Variants in SPIDR observed in about 807,000 individuals in gnomAD.
The protein encoded by SPIDR is scaffold protein involved in DNA repair.
A neutral mutation model predicts 104.6 loss-of-function variants in SPIDR; 93 were observed. The observed-to-expected ratio is 0.89, with a 90% CI of 0.75 to 1.06. The LOEUF (loss-of-function observed/expected upper bound fraction) is 1.06, where lower values mean the gene tolerates loss of function less well. Among genes scored for constraint, SPIDR ranks in the 50% least tolerant of loss-of-function variants. SPIDR has a pLI of 0.00. For missense variants in SPIDR, 1,154 were observed against 1,111.2 expected (o/e 1.04, Z -0.55); for synonymous variants, 431 against 416.9 (o/e 1.03, Z -0.41).
At chr8:47,704,541 C>T (rs2080802532) in intron 14 of SPIDR, among the ~76,000 whole-genome samples, 1 of 152,204 alleles carries the variant, frequency 6.6e-6, no homozygotes, top group African/African-American at 2.4e-5. Context: ...AACACACCCC[C>T]ACCCCCAACC....
At position 47,620,095 on chromosome 8, in the gene SPIDR, G is replaced by A. The variant is rs141875200; in HGVS notation, c.1544+20899G>A. On this transcript the variant is annotated intron_variant, in intron 10 of 19. Transcript: ENST00000297423. ...ATAGAATGCAAGCTATTAATAGAAA[G>A]CGTACTAGCAGGATACAGATCAGAG... Among the ~76,000 whole-genome samples the A allele has an allele frequency of 2.8e-3, 421 of 152,242 alleles. 1 individual carries two copies. Among genetic ancestry groups the A allele is most frequent in the African/African-American group, 9.9e-3 (411 of 41,544 alleles).
intron 5 of SPIDR, among the ~76,000 whole-genome samples, chr8:47,317,671 G>A (rs1313779702): frequency 1.3e-5 from 2 of 152,034 alleles, no homozygotes; most frequent in South Asian, 2.1e-4. Flanking sequence ...TGACCCCCCC[G>A]AGTAGCTTAA....
At chr8:47,467,886 G>A (rs1268196517) in intron 8 of SPIDR, among the ~76,000 whole-genome samples, 2 of 152,064 alleles carry the variant, frequency 1.3e-5, no homozygotes, top group Non-Finnish European at 2.9e-5. Context: ...TAAATAAAAG[G>A]CATCTAAATA....
chr8:47,475,293 G>T (rs988868021), intron 8 of SPIDR, among the ~76,000 whole-genome samples: 2 of 152,202 alleles, frequency 1.3e-5, no homozygotes, highest in African/African-American at 4.8e-5. Context: ...TTCTCCCAGG[G>T]CATGCCCTGC....
chr8:47,584,380 T>C (rs2060053321), intron 8 of SPIDR, among the ~76,000 whole-genome samples: 1 of 152,218 alleles, frequency 6.6e-6, no homozygotes, highest in Non-Finnish European at 1.5e-5. Context: ...TTCAATAACA[T>C]TTCTGCAGAA....
chr8:47,448,600 G>A (rs571770055), intron 8 of SPIDR, among the ~76,000 whole-genome samples: 3 of 152,228 alleles, frequency 2.0e-5, no homozygotes, highest in African/African-American at 7.2e-5. Flanking sequence ...GATTGAGGAG[G>A]TAAGCACAGC....
chr8:47,317,895 TAGAAGGAAAA>T (rs2045721595), intron 5 of SPIDR, among the ~76,000 whole-genome samples: 1 of 152,200 alleles, frequency 6.6e-6, no homozygotes, highest in South Asian at 2.1e-4. Flanking sequence ...TCCTGACTGT[TAGAAGGAAAA>T]CTAACAGAAA....
chr8:47,419,818 G>A (rs1296498300), intron 7 of SPIDR, among the ~76,000 whole-genome samples: 5 of 151,636 alleles, frequency 3.3e-5, no homozygotes, highest in African/African-American at 9.7e-5. Context: ...GGTATGTTGC[G>A]TCTTTGTTCT....
chr8:47,344,426 C>T (rs1452642436), intron 5 of SPIDR, among the ~76,000 whole-genome samples: 1 of 152,192 alleles, frequency 6.6e-6, no homozygotes, highest in Non-Finnish European at 1.5e-5. Context: ...CCGCAGTAAA[C>T]ATCCGTGTGT....
At chr8:47,581,567 G>C (rs2059699176) in intron 8 of SPIDR, among the ~76,000 whole-genome samples, 1 of 152,136 alleles carries the variant, frequency 6.6e-6, no homozygotes, top group African/African-American at 2.4e-5. Flanking sequence ...CTGCTGGACA[G>C]ACAGAAGATG....
chr8:47,620,417 G>A (rs940314919), intron 10 of SPIDR, among the ~76,000 whole-genome samples: 2 of 151,598 alleles, frequency 1.3e-5, no homozygotes, highest in South Asian at 4.2e-4. Flanking sequence ...TGGGATTACA[G>A]GCACCACACC....
At chr8:47,656,171 A>G (rs2072767468) in intron 10 of SPIDR, among the ~76,000 whole-genome samples, 1 of 152,214 alleles carries the variant, frequency 6.6e-6, no homozygotes, top group African/African-American at 2.4e-5. Flanking sequence ...TAGATGTGAC[A>G]CCAAAATCAT....
intron 10 of SPIDR, 100 bp downstream of exon 10, chr8:47,599,296 T>C: frequency 1.3e-6 from 2 of 1,483,518 alleles, no homozygotes; most frequent in Non-Finnish European, 1.8e-6. Context: ...CTTAGCTGCA[T>C]TCACCATATA....
intron 5 of SPIDR, among the ~76,000 whole-genome samples, chr8:47,302,406 C>T (rs2042256020): frequency 1.3e-5 from 2 of 152,044 alleles, no homozygotes; most frequent in Non-Finnish European, 2.9e-5. Flanking sequence ...TCCTTTAGCT[C>T]GGAGTAGTTT....
intron 8 of SPIDR, among the ~76,000 whole-genome samples, chr8:47,445,435 TC>T (rs1313005004): frequency 6.6e-6 from 1 of 152,150 alleles, no homozygotes; most frequent in African/African-American, 2.4e-5. Context: ...GACCGGATGT[TC>T]CCCCATCTTA....
intron 2 of SPIDR, 106 bp from the exon 3 acceptor site, chr8:47,283,922 G>C: frequency 1.3e-6 from 1 of 743,954 alleles, no homozygotes; most frequent in African/African-American, 1.8e-5. Context: ...AAGGAAATCA[G>C]AGAAGAATAT....
At chr8:47,640,790 G>A (rs1322264142) in intron 10 of SPIDR, among the ~76,000 whole-genome samples, 1 of 127,528 alleles carries the variant, frequency 7.8e-6, no homozygotes, top group Non-Finnish European at 1.6e-5. Flanking sequence ...CAGTTCTCCT[G>A]CCTCAGCCTC....
At chr8:47,613,228 A>T (rs1180103490) in intron 10 of SPIDR, among the ~76,000 whole-genome samples, 1 of 152,206 alleles carries the variant, frequency 6.6e-6, no homozygotes, top group Non-Finnish European at 1.5e-5. Context: ...TGAATATTTC[A>T]TACAAATAGA....
chr8:47,369,399 A>G (rs1466242389), intron 5 of SPIDR, among the ~76,000 whole-genome samples: 1 of 152,216 alleles, frequency 6.6e-6, no homozygotes, highest in African/African-American at 2.4e-5. Context: ...TGAGACCACA[A>G]GTAGTTTCTT....
Sources: gnomAD v4.1 joint callset for allele counts (sites outside exome capture counted in the v4.1 genomes callset) on GRCh38, gnomAD v4.1.1 for gene constraint, MANE v1.5 for transcripts, NCBI Gene and HGNC (gene_info 2026-07-23, HGNC 2026-07-21) for gene names.